KCNH7: variants seen among roughly 807,000 people sequenced by gnomAD.
KCNH7 encodes the protein voltage-gated inwardly rectifying potassium channel KCNH7.
In KCNH7, 49 loss-of-function variants were observed where a neutral mutation model predicts 120.8. That is an observed-to-expected ratio of 0.41 (90% CI 0.32 to 0.51). The LOEUF is 0.51. Among genes scored for constraint, KCNH7 ranks in the 20% least tolerant of loss-of-function variants. The probability of loss-of-function intolerance (pLI) is 0.38; values close to 1 mark genes in which losing one functional copy is unlikely to be tolerated. For synonymous variants in KCNH7, 547 were observed against 516.1 expected, an observed-to-expected ratio of 1.06 and a Z score of -0.81; for missense variants, 1,097 against 1,446.6, an observed-to-expected ratio of 0.76 and a Z score of 3.92.
chr2:162,749,595 A>T (rs1187704620), intron 2 of KCNH7, among the ~76,000 whole-genome samples: 1 of 152,202 alleles, frequency 6.6e-6, no homozygotes, highest in African/African-American at 2.4e-5. Context: ...GGGAGGGGTT[A>T]ACAAATAATT....
intron 2 of KCNH7, among the ~76,000 whole-genome samples, chr2:162,723,435 T>C (rs1687402465): frequency 6.6e-6 from 1 of 152,176 alleles, no homozygotes; most frequent in African/African-American, 2.4e-5. Flanking sequence ...AAAGAAATAT[T>C]ATTCAGCCAG....
chr2:162,717,535 G>T (rs528960792), intron 2 of KCNH7, among the ~76,000 whole-genome samples: 7 of 152,082 alleles, frequency 4.6e-5, no homozygotes, highest in Admixed American at 1.3e-4. Flanking sequence ...CTATGCAATT[G>T]TTCCTTCTGG....
chr2:162,412,182 G>C (rs1470688116), intron 9 of KCNH7, among the ~76,000 whole-genome samples: 1 of 151,676 alleles, frequency 6.6e-6, no homozygotes, highest in Non-Finnish European at 1.5e-5. Context: ...TCTATAAGCA[G>C]GTAAAAATGG....
intron 2 of KCNH7, among the ~76,000 whole-genome samples, chr2:162,733,843 G>A (rs1687812290): frequency 6.6e-6 from 1 of 152,112 alleles, no homozygotes; most frequent in Non-Finnish European, 1.5e-5. Flanking sequence ...ATGTAAAATG[G>A]TATAAATATT....
intron 7 of KCNH7, among the ~76,000 whole-genome samples, chr2:162,439,959 A>T (rs1346459305): frequency 6.6e-6 from 1 of 151,822 alleles, no homozygotes; most frequent in African/African-American, 2.4e-5. Context: ...TTCTCTCTTC[A>T]TGCCAGTGGA....
chr2:162,541,035 T>C (rs1692286086), intron 2 of KCNH7, among the ~76,000 whole-genome samples: 1 of 152,094 alleles, frequency 6.6e-6, no homozygotes, highest in Non-Finnish European at 1.5e-5. Flanking sequence ...ACAAATTTGG[T>C]AGCAGAACCA....
At chr2:162,836,811 A>G (rs1464000526) in intron 1 of KCNH7, 44 bp from the exon 2 acceptor site, 2 of 1,412,232 alleles carry the variant, frequency 1.4e-6, no homozygotes, top group African/African-American at 2.8e-5. Flanking sequence ...AAGCTTCCAC[A>G]ATATTCTCCG....
chr2:162,823,907 A>ATTTTTTTTT (rs1553535331), intron 2 of KCNH7, among the ~76,000 whole-genome samples: 3 of 150,362 alleles, frequency 2.0e-5, no homozygotes, highest in Non-Finnish European at 4.5e-5. Flanking sequence ...TTATTTTTTA[A>ATTTTTTTTT]TTGCCATATA....
At chr2:162,566,263 TG>T (rs1693250900) in intron 2 of KCNH7, among the ~76,000 whole-genome samples, 1 of 152,082 alleles carries the variant, frequency 6.6e-6, no homozygotes, top group African/African-American at 2.4e-5. Flanking sequence ...GACACTTACC[TG>T]GGCTTAACAT....
chr2:162,611,680 G>A (rs1031914203), intron 2 of KCNH7, among the ~76,000 whole-genome samples: 6 of 152,018 alleles, frequency 3.9e-5, no homozygotes, highest in African/African-American at 1.4e-4. Context: ...TTTATTTTTT[G>A]TTTTTGCATA....
chr2:162,428,759 A>G (rs921896376), intron 8 of KCNH7, among the ~76,000 whole-genome samples: 1 of 151,758 alleles, frequency 6.6e-6, no homozygotes. Context: ...ATATTTGTCT[A>G]TTTTATCTTT....
intron 2 of KCNH7, among the ~76,000 whole-genome samples, chr2:162,752,917 A>AGAAAAGAAAAGAAAG: frequency 1.7e-5 from 1 of 58,606 alleles, no homozygotes; most frequent in South Asian, 5.7e-4. Context: ...AGAAAAGAAA[A>AGAAAAGAAAAGAAAG]GAAAAGAAAA....
intron 2 of KCNH7, among the ~76,000 whole-genome samples, chr2:162,769,266 C>T (rs985708960): frequency 1.3e-5 from 2 of 151,986 alleles, no homozygotes; most frequent in Admixed American, 1.3e-4. Context: ...GATATGCACA[C>T]AAATTGTATT....
chr2:162,571,925 C>T (rs1433183300), intron 2 of KCNH7, among the ~76,000 whole-genome samples: 1 of 151,860 alleles, frequency 6.6e-6, no homozygotes, highest in African/African-American at 2.4e-5. Context: ...AAACGTTAGA[C>T]CTAAAATCAT....
At chr2:162,391,320 T>A (rs549097204) in intron 12 of KCNH7, among the ~76,000 whole-genome samples, 1 of 152,120 alleles carries the variant, frequency 6.6e-6, no homozygotes, top group Non-Finnish European at 1.5e-5. Context: ...ATATTGACGC[T>A]ACATCAAGAA....
chr2:162,566,449 G>A (rs2105889882), intron 2 of KCNH7, among the ~76,000 whole-genome samples: 1 of 152,122 alleles, frequency 6.6e-6, no homozygotes, highest in African/African-American at 2.4e-5. Context: ...TCAGTTCCAT[G>A]TGGTCTATCC....
At chr2:162,386,206 A>G (rs1324133073) in intron 12 of KCNH7, among the ~76,000 whole-genome samples, 5 of 151,822 alleles carry the variant, frequency 3.3e-5, no homozygotes, top group African/African-American at 4.8e-5. Flanking sequence ...CTCAATCACT[A>G]ATCTAATTGG....
intron 2 of KCNH7, among the ~76,000 whole-genome samples, chr2:162,667,165 G>A (rs1368455313): frequency 6.6e-6 from 1 of 151,676 alleles, no homozygotes; most frequent in Non-Finnish European, 1.5e-5. Context: ...GACTATAGGT[G>A]TACACCACAA....
chr2:162,820,254 T>TGTGTGTGTGTGTGTGTGTGTGTGTG (rs59154139), intron 2 of KCNH7, among the ~76,000 whole-genome samples: 5 of 147,578 alleles, frequency 3.4e-5, no homozygotes, highest in Non-Finnish European at 6.0e-5. Flanking sequence ...TGTGTGTGTG[T>TGTGTGTGTGTGTGTGTGTGTGTGTG]TTAGTAGAGA....
Sources: gnomAD v4.1 joint callset for allele counts (sites outside exome capture counted in the v4.1 genomes callset) on GRCh38, gnomAD v4.1.1 for gene constraint, MANE v1.5 for transcripts, NCBI Gene and HGNC (gene_info 2026-07-23, HGNC 2026-07-21) for gene names.